The following FLT1 variants were observed in gnomAD, a reference collection of about 807,000 sequenced individuals.
The protein encoded by FLT1 is fms related receptor tyrosine kinase 1, also known as vascular endothelial growth factor receptor 1.
A neutral mutation model predicts 156.3 loss-of-function variants in FLT1; 49 were observed. That is an observed-to-expected ratio of 0.31 (90% CI 0.25 to 0.40). The LOEUF (loss-of-function observed/expected upper bound fraction) is 0.40. Among genes scored for constraint, FLT1 ranks in the 10% least tolerant of loss-of-function variants. The pLI is 1.00. For synonymous variants in FLT1, 594 were observed against 583.8 expected (o/e 1.02, Z -0.25); for missense variants, 1,322 against 1,637.2 (o/e 0.81, Z 3.32).
chr13:28,369,684 G>GA (rs1165136470), intron 14 of FLT1, among the ~76,000 whole-genome samples: 1 of 151,982 alleles, frequency 6.6e-6, no homozygotes, highest in Non-Finnish European at 1.5e-5. Context: ...ATGTAAAAAA[G>GA]AAAAAAAGTT....
At chr13:28,337,268 C>G (rs1324235763) in intron 17 of FLT1, among the ~76,000 whole-genome samples, 1 of 152,038 alleles carries the variant, frequency 6.6e-6, no homozygotes, top group Non-Finnish European at 1.5e-5. Flanking sequence ...TCCAATCCCA[C>G]TCACTAGGGC....
chr13:28,355,531 G>A (rs1056565335), intron 15 of FLT1, among the ~76,000 whole-genome samples: 3 of 152,196 alleles, frequency 2.0e-5, no homozygotes, highest in African/African-American at 7.2e-5. Context: ...AGCGGGGATT[G>A]AGAGAGCAGA....
chr13:28,320,667 G>C (rs888279738), intron 23 of FLT1, among the ~76,000 whole-genome samples: 2 of 152,014 alleles, frequency 1.3e-5, no homozygotes, highest in Non-Finnish European at 1.5e-5. Context: ...CCCTGGTCTA[G>C]AAACTGGTTA....
chr13:28,350,769 A>C (rs77950983), intron 15 of FLT1, among the ~76,000 whole-genome samples: 1 of 152,132 alleles, frequency 6.6e-6, no homozygotes, highest in Non-Finnish European at 1.5e-5. Context: ...TCTGTGCCCC[A>C]GTTTCCTCAT....
At chr13:28,434,265 G>T (rs746718758) in intron 4 of FLT1, 45 bp from the exon 5 acceptor site, 1 of 1,560,250 alleles carries the variant, frequency 6.4e-7, no homozygotes, top group Non-Finnish European at 8.8e-7. Context: ...ATTAGCACTG[G>T]TTGGCAATAC....
At chr13:28,374,810 G>A (rs1310547351) in intron 14 of FLT1, among the ~76,000 whole-genome samples, 1 of 151,950 alleles carries the variant, frequency 6.6e-6, no homozygotes, top group African/African-American at 2.4e-5. Context: ...ACCGTGCCCG[G>A]CCCTCCTATT....
intron 14 of FLT1, among the ~76,000 whole-genome samples, chr13:28,369,924 G>A (rs1400527040): frequency 2.0e-5 from 3 of 152,172 alleles, no homozygotes; most frequent in Non-Finnish European, 4.4e-5. Context: ...TATAGGCCGG[G>A]TGCAGTGGCT....
intron 26 of FLT1, 31 bp from the exon 27 acceptor site, chr13:28,311,763 A>G: frequency 6.2e-7 from 1 of 1,611,584 alleles, no homozygotes; most frequent in Non-Finnish European, 8.5e-7. Flanking sequence ...CTCTCGTTGC[A>G]CCAATTCTGA....
intron 10 of FLT1, among the ~76,000 whole-genome samples, chr13:28,421,122 G>A (rs191111420): frequency 8.3e-4 from 127 of 152,124 alleles, no homozygotes; most frequent in Non-Finnish European, 1.6e-3. Flanking sequence ...TTTCAGACAT[G>A]AGATGTCACA....
intron 1 of FLT1, among the ~76,000 whole-genome samples, chr13:28,471,082 C>T (rs1352749711): frequency 6.6e-6 from 1 of 152,096 alleles, no homozygotes; most frequent in Non-Finnish European, 1.5e-5. Context: ...CAGAAGACAA[C>T]ATAACTGAGT....
intron 27 of FLT1, among the ~76,000 whole-genome samples, chr13:28,309,556 A>G (rs996746058): frequency 6.6e-6 from 1 of 152,152 alleles, no homozygotes; most frequent in African/African-American, 2.4e-5. Flanking sequence ...TCTCAGTCCC[A>G]TACTCTGTCA....
chr13:28,363,189 A>C (rs1331487715), intron 14 of FLT1, among the ~76,000 whole-genome samples: 1 of 152,188 alleles, frequency 6.6e-6, no homozygotes, highest in African/African-American at 2.4e-5. Flanking sequence ...TGAGGAAAAT[A>C]CATTTTTAAA....
At chr13:28,447,786 A>G (rs968141717) in intron 3 of FLT1, among the ~76,000 whole-genome samples, 14 of 150,938 alleles carry the variant, frequency 9.3e-5, no homozygotes, top group African/African-American at 3.4e-4. Context: ...TAATATATAA[A>G]CATATGTTTA....
chr13:28,423,660 A>G (rs1877144462), intron 10 of FLT1, among the ~76,000 whole-genome samples: 1 of 152,166 alleles, frequency 6.6e-6, no homozygotes, highest in African/African-American at 2.4e-5. Context: ...ACCTCATTCG[A>G]TCCTCATAGT....
intron 13 of FLT1, chr13:28,388,528 A>T (rs977462804): frequency 9.6e-7 from 1 of 1,042,286 alleles, no homozygotes; most frequent in South Asian, 4.6e-5. Context: ...AACAATGCAT[A>T]TTAAATTGGT....
chr13:28,409,257 T>C (rs956352052), intron 10 of FLT1, among the ~76,000 whole-genome samples: 7 of 152,240 alleles, frequency 4.6e-5, no homozygotes, highest in Admixed American at 2.6e-4. Flanking sequence ...CTCAAAAGTA[T>C]TTGGCTTCTC....
At chr13:28,371,530 T>C (rs1873568032) in intron 14 of FLT1, among the ~76,000 whole-genome samples, 1 of 152,126 alleles carries the variant, frequency 6.6e-6, no homozygotes, top group Non-Finnish European at 1.5e-5. Flanking sequence ...GGTCCCAGTA[T>C]CACAGTGCTT....
intron 1 of FLT1, among the ~76,000 whole-genome samples, chr13:28,483,105 A>G (rs1157367300): frequency 6.6e-6 from 1 of 152,260 alleles, no homozygotes; most frequent in Admixed American, 6.5e-5. Context: ...TGAAGCCATA[A>G]AAATTTTCAA....
chr13:28,485,707 A>G lies in FLT1; in HGVS notation c.64+9073T>C, dbSNP rs75828530. ...ATCTGAGCTGGGCTTGCTTTGACCAATAGAATGTGGTAGAGCGGTGTTGTA... is the reference window on the plus strand; with the variant it reads ...ATCTGAGCTGGGCTTGCTTTGACCAGTAGAATGTGGTAGAGCGGTGTTGTA... On this transcript the variant is annotated intron_variant, in intron 1 of 29. Coordinates refer to ENST00000282397, the MANE Select transcript of FLT1 (RefSeq NM_002019.4). 5.3e-3 allele frequency among the ~76,000 whole-genome samples: 802 copies of G among 152,246 alleles called. 9 individuals are homozygous for G. The highest frequency in any genetic ancestry group is 0.019 in the African/African-American group (770 of 41,534).
Sources: allele counts gnomAD v4.1 joint callset (sites outside exome capture counted in the v4.1 genomes callset), GRCh38; gene constraint gnomAD v4.1.1; transcripts MANE v1.5; gene names NCBI Gene and HGNC (gene_info 2026-07-23, HGNC 2026-07-21).